Variants in MDGA2 observed in about 807,000 individuals in gnomAD.
MDGA2 encodes the protein MAM domain-containing glycosylphosphatidylinositol anchor protein 2.
Under a neutral mutation model 117.8 loss-of-function variants are expected in MDGA2, and 40 were observed. The observed-to-expected ratio is 0.34, with a 90% CI of 0.26 to 0.44. The LOEUF (loss-of-function observed/expected upper bound fraction) is 0.44, where lower values mean the gene tolerates loss of function less well. Ranked by LOEUF, MDGA2 falls within the 20% of genes least tolerant of loss-of-function variation. MDGA2 has a pLI of 1.00. For synonymous variants in MDGA2, 452 were observed against 439.0 expected, an observed-to-expected ratio of 1.03 and a Z score of -0.37; for missense variants, 1,123 against 1,250.6, an observed-to-expected ratio of 0.90 and a Z score of 1.54.
intron 2 of MDGA2, among the ~76,000 whole-genome samples, chr14:47,265,178 T>C (rs144504829): frequency 3.9e-5 from 6 of 152,308 alleles, no homozygotes; most frequent in African/African-American, 7.2e-5. Flanking sequence ...CATCATTACA[T>C]AGCATTTCCA....
At chr14:47,202,589 CATTGAACCAATAACT>C in intron 3 of MDGA2, among the ~76,000 whole-genome samples, 1 of 152,180 alleles carries the variant, frequency 6.6e-6, no homozygotes, top group African/African-American at 2.4e-5. Flanking sequence ...TTGTGTCAGC[CATTGAACCAATAACT>C]ATACAGGCCC....
chr14:46,916,375 C>T (rs2933191), intron 10 of MDGA2, among the ~76,000 whole-genome samples: 151,507 of 152,104 alleles, frequency 1, 75,460 homozygotes, highest in Middle Eastern at 1. Flanking sequence ...GATCCTCAGT[C>T]TCCCCATCTC....
chr14:47,461,941 ATAAT>A (rs1380713187), intron 1 of MDGA2, among the ~76,000 whole-genome samples: 1 of 152,232 alleles, frequency 6.6e-6, no homozygotes, highest in Non-Finnish European at 1.5e-5. Flanking sequence ...GGATCCCTAC[ATAAT>A]TGATTGAGGA....
chr14:47,351,215 G>A (rs1168692967), intron 1 of MDGA2, among the ~76,000 whole-genome samples: 1 of 151,928 alleles, frequency 6.6e-6, no homozygotes, highest in Non-Finnish European at 1.5e-5. Context: ...CCGAGTAGCT[G>A]GGATTACAGG....
intron 1 of MDGA2, among the ~76,000 whole-genome samples, chr14:47,316,309 C>A (rs1030619596): frequency 2.0e-5 from 3 of 152,050 alleles, no homozygotes; most frequent in African/African-American, 7.2e-5. Flanking sequence ...ACATTTTCTT[C>A]TCAATAATTT....
intron 2 of MDGA2, among the ~76,000 whole-genome samples, chr14:47,228,358 T>C (rs1264130806): frequency 6.6e-6 from 1 of 152,158 alleles, no homozygotes; most frequent in East Asian, 1.9e-4. Flanking sequence ...ACGATTTGTT[T>C]GACTTAATGA....
chr14:47,595,557 C>CAAAAAAAAAAAAAAAAA (rs1162012490), intron 1 of MDGA2, among the ~76,000 whole-genome samples: 24 of 138,018 alleles, frequency 1.7e-4, no homozygotes, highest in South Asian at 4.7e-4. Flanking sequence ...CAAAAAAAAA[C>CAAAAAAAAAAAAAAAAA]AAAAAAAAAA....
At chr14:47,112,869 A>G (rs1202675142) in intron 5 of MDGA2, among the ~76,000 whole-genome samples, 1 of 152,186 alleles carries the variant, frequency 6.6e-6, no homozygotes, top group Non-Finnish European at 1.5e-5. Context: ...ACAGTGTAAA[A>G]ACATTCCTAT....
intron 5 of MDGA2, among the ~76,000 whole-genome samples, chr14:47,125,932 T>C (rs940259573): frequency 7.2e-5 from 11 of 152,056 alleles, no homozygotes; most frequent in Non-Finnish European, 5.9e-5. Context: ...TCATAAGTGC[T>C]TGAAATTCAT....
rs79678852 is a variant in MDGA2 at position 47,524,927 on chromosome 14, A to G, written c.280+149590T>C. On this transcript the variant is annotated intron_variant, in intron 1 of 16. Transcript: ENST00000399232. ...AGAATGCACATTACAGAATTATTTA[A>G]CCTTCAAGTTACAAGGAGTCTTACA... Among the ~76,000 whole-genome samples the G allele has an allele frequency of 4.0e-3, 606 of 152,294 alleles. 5 individuals carry two copies. The highest frequency in any genetic ancestry group is 0.014 in the African/African-American group (583 of 41,564).
intron 1 of MDGA2, among the ~76,000 whole-genome samples, chr14:47,321,716 A>G (rs1296598799): frequency 6.6e-6 from 1 of 152,230 alleles, no homozygotes; most frequent in African/African-American, 2.4e-5. Flanking sequence ...TACAAGTTAA[A>G]GACGCTTACA....
chr14:47,417,905 G>T (rs1168381078), intron 1 of MDGA2, among the ~76,000 whole-genome samples: 3 of 151,880 alleles, frequency 2.0e-5, no homozygotes, highest in Non-Finnish European at 4.4e-5. Context: ...ATAGAAGTGG[G>T]TTCTTGCTAT....
intron 1 of MDGA2, among the ~76,000 whole-genome samples, chr14:47,568,343 T>C (rs376475513): frequency 3.3e-5 from 5 of 152,158 alleles, no homozygotes; most frequent in Admixed American, 2.0e-4. Flanking sequence ...ATCATACAAA[T>C]ATAACAAAAT....
At chr14:46,860,963 C>T (rs920322292) in intron 14 of MDGA2, among the ~76,000 whole-genome samples, 1 of 151,796 alleles carries the variant, frequency 6.6e-6, no homozygotes, top group Non-Finnish European at 1.5e-5. Flanking sequence ...TCTATGGAAT[C>T]TTCATTAGAA....
intron 1 of MDGA2, among the ~76,000 whole-genome samples, chr14:47,393,928 G>C (rs1332146487): frequency 6.6e-6 from 1 of 152,046 alleles, no homozygotes; most frequent in Non-Finnish European, 1.5e-5. Context: ...ACCAAAACCA[G>C]GACAACTGAT....
chr14:46,867,840 T>A (rs997773414), intron 14 of MDGA2, among the ~76,000 whole-genome samples: 1 of 152,034 alleles, frequency 6.6e-6, no homozygotes, highest in Non-Finnish European at 1.5e-5. Context: ...TAAGAATATG[T>A]GACACTTTTG....
At chr14:46,918,760 C>CTTTTTTTTTTTT (rs34958634) in intron 10 of MDGA2, among the ~76,000 whole-genome samples, 2 of 124,808 alleles carry the variant, frequency 1.6e-5, no homozygotes, top group African/African-American at 6.7e-5. Flanking sequence ...TACAGTGTAT[C>CTTTTTTTTTTTT]TTTTTTTTTT....
intron 10 of MDGA2, among the ~76,000 whole-genome samples, chr14:46,888,154 A>G (rs1348558770): frequency 6.6e-6 from 1 of 152,050 alleles, no homozygotes; most frequent in East Asian, 1.9e-4. Context: ...GAAAGTGTAT[A>G]CTTCAGCAGT....
At chr14:47,319,120 A>G (rs1488749381) in intron 1 of MDGA2, among the ~76,000 whole-genome samples, 1 of 152,190 alleles carries the variant, frequency 6.6e-6, no homozygotes, top group Non-Finnish European at 1.5e-5. Context: ...TTATGATTGT[A>G]TTACAATATT....
Sources: allele counts gnomAD v4.1 joint callset (sites outside exome capture counted in the v4.1 genomes callset), GRCh38; gene constraint gnomAD v4.1.1; transcripts MANE v1.5; gene names NCBI Gene and HGNC (gene_info 2026-07-23, HGNC 2026-07-21).